The following WWOX variants were observed in gnomAD, a reference collection of about 807,000 sequenced individuals.
The protein encoded by WWOX is WW domain containing oxidoreductase.
Under a neutral mutation model 46.2 loss-of-function variants are expected in WWOX, and 69 were observed. The ratio of observed to expected loss-of-function variants is 1.49; its 90% CI spans 1.23 to 1.82. The LOEUF is 1.82. WWOX is among the 40% of genes most tolerant of loss of function. The pLI is 0.00. For synonymous variants in WWOX, 359 were observed against 202.6 expected (o/e 1.77, Z -6.56); for missense variants, 919 against 542.6 (o/e 1.69, Z -6.89).
chr16:78,493,952 A>C (rs993119916), intron 8 of WWOX, among the ~76,000 whole-genome samples: 1 of 152,230 alleles, frequency 6.6e-6, no homozygotes. Flanking sequence ...AAAGTGTATT[A>C]GTCGATTCTC....
intron 8 of WWOX, among the ~76,000 whole-genome samples, chr16:78,598,307 GA>G (rs2045538004): frequency 6.6e-6 from 1 of 152,196 alleles, no homozygotes; most frequent in Admixed American, 6.5e-5. Context: ...TGTGTTTTAA[GA>G]TGTGTAAGAC....
intron 8 of WWOX, among the ~76,000 whole-genome samples, chr16:79,162,333 A>C (rs79193256): frequency 0.024 from 3,625 of 152,216 alleles, 103 homozygotes; most frequent in East Asian, 0.16. Flanking sequence ...CCTGCCTTGC[A>C]AGTTTGGAGT....
At chr16:79,161,672 C>T (rs774544735) in intron 8 of WWOX, among the ~76,000 whole-genome samples, 4 of 152,120 alleles carry the variant, frequency 2.6e-5, no homozygotes, top group Non-Finnish European at 5.9e-5. Context: ...ACACCCACCA[C>T]CATGCCCGGC....
chr16:78,638,977 A>C (rs531447524), intron 8 of WWOX, among the ~76,000 whole-genome samples: 15 of 152,206 alleles, frequency 9.9e-5, no homozygotes, highest in African/African-American at 3.6e-4. Flanking sequence ...GTGGGGGCTT[A>C]ATTTCCTAAA....
At chr16:79,089,325 G>C (rs1423757459) in intron 8 of WWOX, among the ~76,000 whole-genome samples, 3 of 126,382 alleles carry the variant, frequency 2.4e-5, no homozygotes, top group Middle Eastern at 4.2e-3. Context: ...AACGTTCAAG[G>C]TGGGGACCTT....
At chr16:78,707,901 C>T (rs1202200463) in intron 8 of WWOX, among the ~76,000 whole-genome samples, 1 of 151,888 alleles carries the variant, frequency 6.6e-6, no homozygotes, top group Non-Finnish European at 1.5e-5. Context: ...TATCTGTCCC[C>T]AAGTCACAAT....
At chr16:78,824,698 T>C (rs1307225596) in intron 8 of WWOX, among the ~76,000 whole-genome samples, 1 of 152,056 alleles carries the variant, frequency 6.6e-6, no homozygotes, top group African/African-American at 2.4e-5. Flanking sequence ...TCAGATCTTG[T>C]GACACTTATT....
intron 8 of WWOX, among the ~76,000 whole-genome samples, chr16:79,144,220 A>G (rs2050143402): frequency 1.3e-5 from 2 of 152,152 alleles, no homozygotes; most frequent in African/African-American, 4.8e-5. Flanking sequence ...TTTTCACTTC[A>G]GCACACCAGG....
chr16:78,993,446 A>G (rs574474020), intron 8 of WWOX, among the ~76,000 whole-genome samples: 2 of 152,312 alleles, frequency 1.3e-5, no homozygotes, highest in East Asian at 3.9e-4. Context: ...GTGCGGCTGG[A>G]TAAGAGAAGA....
intron 8 of WWOX, among the ~76,000 whole-genome samples, chr16:78,548,512 C>G (rs1286379617): frequency 6.6e-6 from 1 of 152,124 alleles, no homozygotes; most frequent in African/African-American, 2.4e-5. Flanking sequence ...AATTGTTTTG[C>G]AAACATTTTA....
intron 8 of WWOX, among the ~76,000 whole-genome samples, chr16:78,990,411 C>G (rs947677054): frequency 2.0e-5 from 3 of 152,146 alleles, no homozygotes; most frequent in African/African-American, 7.2e-5. Flanking sequence ...TAGTTCTGGG[C>G]TAGGGAATGG....
intron 8 of WWOX, among the ~76,000 whole-genome samples, chr16:78,516,253 G>T (rs1034015324): frequency 6.6e-5 from 10 of 152,124 alleles, no homozygotes; most frequent in Admixed American, 6.6e-5. Flanking sequence ...TATGCCAAAT[G>T]CAGGGAGGGT....
intron 6 of WWOX, among the ~76,000 whole-genome samples, chr16:78,397,004 A>C (rs2082302736): frequency 6.6e-6 from 1 of 152,176 alleles, no homozygotes; most frequent in Non-Finnish European, 1.5e-5. Flanking sequence ...TTTCATCATG[A>C]GAAATATATT....
intron 8 of WWOX, among the ~76,000 whole-genome samples, chr16:78,709,907 T>A (rs1332758141): frequency 6.6e-6 from 1 of 151,950 alleles, no homozygotes; most frequent in Non-Finnish European, 1.5e-5. Flanking sequence ...ATTTTTGTAT[T>A]TTTGGTAGAG....
intron 8 of WWOX, among the ~76,000 whole-genome samples, chr16:78,548,174 A>G (rs200758100): frequency 1.7e-5 from 1 of 58,670 alleles, no homozygotes; most frequent in East Asian, 7.5e-4. Flanking sequence ...AAAAAAAAAA[A>G]AAAATTACGA....
At chr16:78,205,973 CT>C (rs1017246105) in intron 5 of WWOX, among the ~76,000 whole-genome samples, 6 of 151,658 alleles carry the variant, frequency 4.0e-5, no homozygotes, top group Non-Finnish European at 7.4e-5. Context: ...CCCTCCCTTT[CT>C]TTCCTCCCTC....
chr16:78,403,774 C>T (rs952054916), intron 6 of WWOX, among the ~76,000 whole-genome samples: 4 of 152,168 alleles, frequency 2.6e-5, no homozygotes, highest in African/African-American at 7.2e-5. Flanking sequence ...TGTGTTCTGC[C>T]TAGGCATTGT....
chr16:79,072,325 C>G (rs1196138014), intron 8 of WWOX, among the ~76,000 whole-genome samples: 2 of 152,106 alleles, frequency 1.3e-5, no homozygotes, highest in African/African-American at 2.4e-5. Context: ...CTATCATATG[C>G]ATTCTCAACT....
intron 8 of WWOX, among the ~76,000 whole-genome samples, chr16:79,193,501 C>A (rs939843500): frequency 3.9e-5 from 6 of 152,184 alleles, no homozygotes; most frequent in African/African-American, 1.2e-4. Flanking sequence ...GCCTTCTGCT[C>A]CCTTCTTCAG....
Sources: gnomAD v4.1 joint callset for allele counts (sites outside exome capture counted in the v4.1 genomes callset) on GRCh38, gnomAD v4.1.1 for gene constraint, MANE v1.5 for transcripts, NCBI Gene and HGNC (gene_info 2026-07-23, HGNC 2026-07-21) for gene names.